The following EIF2AK2 variants were observed in gnomAD, a reference collection of about 807,000 sequenced individuals.
EIF2AK2 encodes the protein eukaryotic translation initiation factor 2 alpha kinase 2, also known as interferon-induced, double-stranded RNA-activated protein kinase.
EIF2AK2 carries 40 observed loss-of-function variants against 70.5 expected under a neutral mutation model. The ratio of observed to expected loss-of-function variants is 0.57; its 90% CI spans 0.44 to 0.74. The LOEUF is 0.74. Ranked by LOEUF, EIF2AK2 falls within the 30% of genes least tolerant of loss-of-function variation. EIF2AK2 has a pLI of 0.00. For missense variants in EIF2AK2, 555 were observed against 644.3 expected (o/e 0.86, Z 1.50); for synonymous variants, 198 against 220.9 (o/e 0.90, Z 0.92).
intron 10 of EIF2AK2, among the ~76,000 whole-genome samples, chr2:37,127,098 G>T (rs4648206): frequency 0.011 from 1,687 of 151,328 alleles, 24 homozygotes; most frequent in African/African-American, 0.039. Context: ...AGAGAAATGG[G>T]CATACGCTCT....
rs1396944915 is a variant in EIF2AK2 at position 37,126,993 on chromosome 2, A to G, written c.786-582T>C. Among the ~76,000 whole-genome samples, 294 of 133,108 alleles carry G rather than the reference A, an allele frequency of 2.2e-3. 2 individuals are homozygous for G. The highest frequency in any genetic ancestry group is 7.9e-3 in the African/African-American group (283 of 35,642). 87.3% of individuals were successfully genotyped at this position (133,108 alleles called of 152,430 possible). A position where few individuals can be genotyped will look rare whatever the true frequency, so the allele number is the denominator to read the frequency against. Reference sequence around the variant, plus strand: ...AAAAAAAAAAAAAAAAAAAAAAAAAAAAAAAAAGCCATGATAAAAATCCTA... The same window carrying G: ...AAAAAAAAAAAAAAAAAAAAAAAAAGAAAAAAAGCCATGATAAAAATCCTA... On this transcript the variant is annotated intron_variant, in intron 10 of 16. Transcript: ENST00000233057.
intron 11 of EIF2AK2, 43 bp from the exon 12 acceptor site, chr2:37,122,707 C>T: frequency 6.2e-7 from 1 of 1,610,954 alleles, no homozygotes. Flanking sequence ...CAGTGTACAT[C>T]CCTCATAACA....
chr2:37,153,158 T>C (rs1317576467), intron 1 of EIF2AK2, among the ~76,000 whole-genome samples: 1 of 151,940 alleles, frequency 6.6e-6, no homozygotes, highest in African/African-American at 2.4e-5. Flanking sequence ...TGTGATAAAA[T>C]ACACATAACA....
rs760988367 is a variant in EIF2AK2 at position 37,107,490 on chromosome 2, A to G, written c.1517T>C (p.Ile506Thr). The G allele has an allele frequency of 8.7e-6, 14 of 1,612,676 alleles. No homozygotes were observed. Among genetic ancestry groups the G allele is most frequent in the Non-Finnish European group, 1.2e-5 (14 of 1,179,702 alleles). ...AGTGCTTACTTCTTTTTTATCAAAT[A>G]TATCTGAGATGATGCCATCCCGTAG... ...TDLRDGIISD[I>T]FDKKEKTLLQ... Residue 506 changes from isoleucine (I) to threonine (T), a missense_variant, in exon 16 of 17, where the codon ATA (isoleucine) becomes ACA (threonine). By Grantham distance (89) the Ile-to-Thr change is moderately conservative (BLOSUM62 -1). This residue lies in a region of EIF2AK2 where 299 missense variants were observed against 375.4 expected (regional missense o/e 0.80). Transcript: ENST00000233057.
intron 8 of EIF2AK2, 61 bp from the exon 9 acceptor site, chr2:37,137,078 G>A (rs945433236): frequency 7.6e-6 from 11 of 1,453,618 alleles, no homozygotes; most frequent in African/African-American, 4.2e-5. Flanking sequence ...TTCCTTTCCC[G>A]TTTTCCTTCC....
chr2:37,129,541 C>T (rs1674868597), intron 10 of EIF2AK2, among the ~76,000 whole-genome samples: 1 of 152,140 alleles, frequency 6.6e-6, no homozygotes, highest in African/African-American at 2.4e-5. Flanking sequence ...CTAGTGAGTC[C>T]ACAAAACCCA....
At chr2:37,139,822 CA>C (rs556893554) in intron 5 of EIF2AK2, 65 bp from the exon 6 acceptor site, 303 of 1,481,532 alleles carry the variant, frequency 2.0e-4, no homozygotes, top group Admixed American at 5.8e-4. Context: ...ACTTAGGATT[CA>C]AAAAAAATAA....
intron 1 of EIF2AK2, 174 bp from the exon 2 acceptor site, chr2:37,149,197 T>A (rs1675659591): frequency 8.9e-7 from 1 of 1,118,642 alleles, no homozygotes; most frequent in African/African-American, 1.5e-5. Flanking sequence ...GTCGTGCCTG[T>A]GGTTCTACCA....
intron 1 of EIF2AK2, among the ~76,000 whole-genome samples, chr2:37,154,619 G>A (rs1675857571): frequency 6.6e-6 from 1 of 152,086 alleles, no homozygotes; most frequent in East Asian, 1.9e-4. Context: ...GGAGTGTGAT[G>A]GTGGCATCTC....
At position 37,104,571 on chromosome 2, in the gene EIF2AK2, T is replaced by A. The variant is rs563600313; in HGVS notation, c.*2702A>T. ...CTATGCTCAAGCCATCCTCCCCTTT[T>A]GACCTCCCAAAAATGCTGGGATAAC... On this transcript the variant is annotated 3_prime_UTR_variant, in exon 17 of 17. Coordinates refer to ENST00000233057, the MANE Select transcript of EIF2AK2 (RefSeq NM_001135651.3). 1 of 152,178 alleles carries A rather than the reference T, an allele frequency of 6.6e-6. No homozygotes were observed. Among genetic ancestry groups the A allele is most frequent in the Non-Finnish European group, 1.5e-5 (1 of 68,040 alleles). The allele number at this position is 152,178 out of a possible 1,614,324, so 9.4% of individuals were successfully genotyped here. A position where few individuals can be genotyped will look rare whatever the true frequency, so the allele number is the denominator to read the frequency against.
chr2:37,147,865 A>G (rs1675610559), intron 2 of EIF2AK2, 43 bp from the exon 3 acceptor site: 9 of 1,384,352 alleles, frequency 6.5e-6, no homozygotes, highest in African/African-American at 1.4e-5. Context: ...CTCACAGAAC[A>G]TATTTAATCT....
chr2:37,117,515 C>A (rs979971998), intron 13 of EIF2AK2, among the ~76,000 whole-genome samples: 1 of 152,076 alleles, frequency 6.6e-6, no homozygotes, highest in African/African-American at 2.4e-5. Context: ...CCAGCCTGGG[C>A]AACAGAGTGA....
At chr2:37,152,689 C>T (rs1204516898) in intron 1 of EIF2AK2, among the ~76,000 whole-genome samples, 3 of 152,220 alleles carry the variant, frequency 2.0e-5, no homozygotes, top group Non-Finnish European at 4.4e-5. Context: ...ATTTCTTTCA[C>T]GTCCATGATT....
At chr2:37,152,479 C>T (rs911488593) in intron 1 of EIF2AK2, among the ~76,000 whole-genome samples, 7 of 152,056 alleles carry the variant, frequency 4.6e-5, no homozygotes, top group African/African-American at 1.7e-4. Context: ...TGAGGTTTCC[C>T]GGTGTTGGCC....
At chr2:37,125,666 G>A (rs1055351904) in intron 11 of EIF2AK2, among the ~76,000 whole-genome samples, 3 of 152,198 alleles carry the variant, frequency 2.0e-5, no homozygotes. Flanking sequence ...GCCTAAGATA[G>A]GCTGTAGTCA....
chr2:37,149,163 A>C, intron 1 of EIF2AK2, 140 bp from the exon 2 acceptor site: 1 of 1,005,902 alleles, frequency 9.9e-7, no homozygotes, highest in Non-Finnish European at 1.6e-6. Context: ...CTCGATGAAG[A>C]TTGTTTAGGA....
chr2:37,111,523 C>T (rs965708676), intron 14 of EIF2AK2, among the ~76,000 whole-genome samples: 6 of 151,042 alleles, frequency 4.0e-5, no homozygotes, highest in Admixed American at 6.6e-5. Flanking sequence ...ATTTTAATAG[C>T]AAAATGCAAT....
intron 10 of EIF2AK2, among the ~76,000 whole-genome samples, chr2:37,127,171 G>C (rs1674770779): frequency 1.3e-5 from 2 of 151,926 alleles, no homozygotes; most frequent in African/African-American, 4.8e-5. Context: ...CCATCATTAA[G>C]ACCTGTCAAT....
chr2:37,136,318 T>G (rs1675125011), intron 9 of EIF2AK2, among the ~76,000 whole-genome samples: 1 of 152,204 alleles, frequency 6.6e-6, no homozygotes. Flanking sequence ...CCTTCATGCT[T>G]TCACTCAGCT....
Sources: gnomAD v4.1 joint callset for allele counts (sites outside exome capture counted in the v4.1 genomes callset) on GRCh38, gnomAD v4.1.1 for gene constraint, gnomAD v4.1.1 regional missense constraint, MANE v1.5 for transcripts, NCBI Gene and HGNC (gene_info 2026-07-23, HGNC 2026-07-21) for gene names.